Variants in XPO6 observed in about 807,000 individuals in gnomAD.
The protein encoded by XPO6 is exportin-6.
A neutral mutation model predicts 130.0 loss-of-function variants in XPO6; 3 were observed. The observed-to-expected ratio is 0.02, with a 90% CI of 0.01 to 0.06. The LOEUF is 0.06. Ranked by LOEUF, XPO6 falls within the 10% of genes least tolerant of loss-of-function variation. XPO6 has a pLI of 1.00. For synonymous variants in XPO6, 524 were observed against 548.9 expected, an observed-to-expected ratio of 0.95 and a Z score of 0.63; for missense variants, 970 against 1,393.0, an observed-to-expected ratio of 0.70 and a Z score of 4.83.
chr16:28,106,513 G>T lies in XPO6; in HGVS notation c.2498-16C>A. On this transcript the variant is annotated splice_polypyrimidine_tract_variant and intron_variant, in intron 18 of 23. Coordinates refer to ENST00000304658, the MANE Select transcript of XPO6 (RefSeq NM_015171.4). This position sits in a 1 kb window ranked among gnomAD's most constrained non-coding sequence, Gnocchi z 4.2. ...TCAGTCACATCTGAGGAAAGGGGCA[G>T]AGATATCGTCAGAGGCTTGCACACA... 4 of 1,604,668 alleles carry T rather than the reference G, an allele frequency of 2.5e-6. No homozygotes were observed. In the South Asian group the frequency reaches 4.4e-5, roughly 18 times the overall value.
rs752148306 is a variant in XPO6 at position 28,106,020 on chromosome 16, C to G, written c.2784+23G>C. 7 of 1,606,902 alleles carry G rather than the reference C, an allele frequency of 4.4e-6. No individual in the cohort carries two copies. The South Asian group carries it at 7.7e-5, about 18-fold the overall frequency. On this transcript the variant is annotated intron_variant, in intron 20 of 23. Coordinates refer to ENST00000304658, the MANE Select transcript of XPO6 (RefSeq NM_015171.4). This position sits in a 1 kb window ranked among gnomAD's most constrained non-coding sequence, Gnocchi z 4.2. ...CAATCTGGAGATGGGGGGTGCTGCA[C>G]AGGGGACCGTCTGAGCCCCTACCTC...
intron 20 of XPO6, among the ~76,000 whole-genome samples, chr16:28,105,257 C>T (rs1342255145): frequency 6.6e-6 from 1 of 152,210 alleles, no homozygotes; most frequent in Non-Finnish European, 1.5e-5. Context: ...CTGGGCCAGT[C>T]TCCTCTTTCC....
chr16:28,197,855 G>A (rs909683096), intron 1 of XPO6, among the ~76,000 whole-genome samples: 1 of 137,834 alleles, frequency 7.3e-6, no homozygotes, highest in Non-Finnish European at 1.5e-5. Context: ...GGAGGCGGAG[G>A]TTACAGTGAG....
At chr16:28,200,193 C>CAGGTCTGAT (rs1356715714) in intron 1 of XPO6, among the ~76,000 whole-genome samples, 1 of 151,866 alleles carries the variant, frequency 6.6e-6, no homozygotes, top group Non-Finnish European at 1.5e-5. Flanking sequence ...CAGAACTTCT[C>CAGGTCTGAT]AGGTCTGATT....
chr16:28,162,491 G>A (rs937284942), intron 6 of XPO6, among the ~76,000 whole-genome samples: 4 of 152,056 alleles, frequency 2.6e-5, no homozygotes, highest in Non-Finnish European at 5.9e-5. Context: ...AATGCCCACA[G>A]AGCTGTGTAG....
chr16:28,157,338 C>G (rs1444653225), intron 6 of XPO6, among the ~76,000 whole-genome samples: 1 of 151,898 alleles, frequency 6.6e-6, no homozygotes, highest in African/African-American at 2.4e-5. Flanking sequence ...GCCTGTAATC[C>G]CAGCTACTTG....
chr16:28,167,824 A>G (rs1156999941), intron 5 of XPO6, among the ~76,000 whole-genome samples: 1 of 152,212 alleles, frequency 6.6e-6, no homozygotes, highest in Non-Finnish European at 1.5e-5. Flanking sequence ...GCCAGACACA[A>G]AAGATCACAT....
rs78811670 is a variant in XPO6 at position 28,110,451 on chromosome 16, A to G, written c.2341+1366T>C. Among the ~76,000 whole-genome samples, 1,203 of 152,306 alleles carry G rather than the reference A, an allele frequency of 7.9e-3. 19 individuals carry two copies. Among genetic ancestry groups the G allele is most frequent in the African/African-American group, 0.028 (1,152 of 41,564 alleles). On this transcript the variant is annotated intron_variant, in intron 17 of 23. Transcript: ENST00000304658. ...GGAGCCTTCCACAGCCTGGGTCCCT[A>G]TGTGACCTCCCCACTCTGCTGACCC...
intron 7 of XPO6, chr16:28,153,191 G>A: frequency 1.0e-6 from 1 of 997,814 alleles, no homozygotes; most frequent in Non-Finnish European, 1.2e-6. Flanking sequence ...TGGTGCTAAA[G>A]ACACAAAAAC....
chr16:28,183,098 C>T (rs1399353440), intron 1 of XPO6, among the ~76,000 whole-genome samples: 1 of 152,190 alleles, frequency 6.6e-6, no homozygotes, highest in East Asian at 1.9e-4. Flanking sequence ...GAGCTTATCA[C>T]ATCCAGGCAA....
intron 1 of XPO6, among the ~76,000 whole-genome samples, chr16:28,205,420 C>T (rs959584093): frequency 2.6e-5 from 4 of 152,178 alleles, no homozygotes; most frequent in African/African-American, 9.7e-5. Flanking sequence ...AACTCTTCCT[C>T]ATCCTTCAAG....
At chr16:28,130,532 A>G (rs999838898) in intron 12 of XPO6, among the ~76,000 whole-genome samples, 7 of 152,222 alleles carry the variant, frequency 4.6e-5, no homozygotes, top group African/African-American at 1.7e-4. Context: ...TTGGCTTCTG[A>G]GCCACCAAAA....
intron 9 of XPO6, among the ~76,000 whole-genome samples, chr16:28,137,499 C>T (rs899723485): frequency 1.3e-5 from 2 of 152,166 alleles, no homozygotes; most frequent in African/African-American, 4.8e-5. Context: ...AACATGATAA[C>T]CAAAGTTAAA....
At chr16:28,194,326 A>G (rs1274024749) in intron 1 of XPO6, among the ~76,000 whole-genome samples, 1 of 152,226 alleles carries the variant, frequency 6.6e-6, no homozygotes, top group Non-Finnish European at 1.5e-5. Context: ...TTTCATTTTT[A>G]TATACAAATC....
At chr16:28,173,481 G>A (rs568364449) in intron 4 of XPO6, among the ~76,000 whole-genome samples, 104 of 152,278 alleles carry the variant, frequency 6.8e-4, no homozygotes, top group Admixed American at 1.5e-3. Context: ...AGTAGCTCAC[G>A]CCTATAATCC....
intron 1 of XPO6, among the ~76,000 whole-genome samples, chr16:28,204,800 T>A (rs533274635): frequency 1.3e-5 from 2 of 152,316 alleles, no homozygotes; most frequent in East Asian, 1.9e-4. Context: ...GTACTCCACT[T>A]GTCTGACACT....
Position 28,135,232 on chromosome 16 carries a change from T to A in XPO6, c.1427A>T (p.Glu476Val). 1 of 1,613,792 alleles carries A rather than the reference T, an allele frequency of 6.2e-7. No individual in the cohort carries two copies. The highest frequency in any genetic ancestry group is 8.5e-7 in the Non-Finnish European group (1 of 1,179,842). The change falls in exon 10 of 24, where the codon GAG becomes GTG. Residue 476 changes from glutamate to valine, a missense_variant. Transcript: ENST00000304658. ...NQAQLEELDD[E>V]TLDDDQQTEW... ...GCCGCTTACATCGTCATCCAGAGTC[T>A]CATCATCCAACTCCTCCAGCTGGGC...
chr16:28,156,568 C>A, intron 6 of XPO6, 41 bp from the exon 7 acceptor site: 2 of 1,451,196 alleles, frequency 1.4e-6, no homozygotes, highest in Non-Finnish European at 1.8e-6. Context: ...AGCATCAAAT[C>A]TCTTACAAAT....
chr16:28,149,066 A>AT (rs1567622595), intron 8 of XPO6, among the ~76,000 whole-genome samples: 1 of 150,500 alleles, frequency 6.6e-6, no homozygotes, highest in Non-Finnish European at 1.5e-5. Flanking sequence ...AATAAAAAAA[A>AT]AAAAAAACAA....
Sources: allele counts gnomAD v4.1 joint callset (sites outside exome capture counted in the v4.1 genomes callset), GRCh38; gene constraint gnomAD v4.1.1; non-coding constraint Gnocchi (gnomAD v3.1); transcripts MANE v1.5; gene names NCBI Gene and HGNC (gene_info 2026-07-23, HGNC 2026-07-21).